Variants in ADGB observed in about 807,000 individuals in gnomAD.
The protein encoded by ADGB is calpain-7-like protein.
ADGB carries 172 observed loss-of-function variants against 210.5 expected under a neutral mutation model. The ratio of observed to expected loss-of-function variants is 0.82; its 90% CI spans 0.72 to 0.93. The LOEUF (loss-of-function observed/expected upper bound fraction) is 0.93. ADGB is among the 40% of genes least tolerant of loss of function. The probability of loss-of-function intolerance (pLI) is 0.00; values close to 1 mark genes in which losing one functional copy is unlikely to be tolerated. For synonymous variants in ADGB, 658 were observed against 662.7 expected, an observed-to-expected ratio of 0.99 and a Z score of 0.11; for missense variants, 2,025 against 1,964.8, an observed-to-expected ratio of 1.03 and a Z score of -0.58.
chr6:146,738,438 C>CTTTTTTTTTTTTTTTTTT (rs71031008), intron 23 of ADGB, among the ~76,000 whole-genome samples: 1 of 71,332 alleles, frequency 1.4e-5, no homozygotes, highest in African/African-American at 4.9e-5. Flanking sequence ...CCCATTTCAT[C>CTTTTTTTTTTTTTTTTTT]TTTTTTTTTT....
In ADGB at chr6:146,803,573, GT is replaced by G. The variant is rs1778163879; in HGVS notation, c.4818+1566del. On this transcript the variant is annotated intron_variant, in intron 35 of 35. Transcript: ENST00000397944. The stretch of plus-strand genomic sequence containing the variant: ...GTTCTATTTATGTAAGCAGCCAACT[GT>G]TTTGGAGACTTCTTAACCTCCTTCA... The G allele has an allele frequency of 6.8e-6, 10 of 1,478,166 alleles. No homozygotes were observed. In the Admixed American group the frequency reaches 1.1e-4, roughly 16 times the overall value. 91.6% of individuals were successfully genotyped at this position (1,478,166 alleles called of 1,614,324 possible). A position where few individuals can be genotyped will look rare whatever the true frequency, so the allele number is the denominator to read the frequency against.
Position 146,672,218 on chromosome 6 carries a change from A to G in ADGB, c.840-2A>G. The G allele has an allele frequency of 6.9e-7, 1 of 1,442,852 alleles. No individual in the cohort carries two copies. Among genetic ancestry groups the G allele is most frequent in the Non-Finnish European group, 9.2e-7 (1 of 1,092,210 alleles). 89.4% of individuals were successfully genotyped at this position (1,442,852 alleles called of 1,614,324 possible). On this transcript the variant is annotated splice_acceptor_variant, in intron 7 of 35. Transcript: ENST00000397944. LOFTEE classifies it high-confidence loss of function. ...AATTAATGTTTTTGTCTTTTCTCTT[A>G]GCCCGGGATATATGGACAAAGTTTG...
In ADGB at chr6:146,691,445, A is replaced by AT. The variant is rs1419237911; in HGVS notation, c.1486+155_1486+156insT. On this transcript the variant is annotated intron_variant, in intron 11 of 35. Coordinates refer to ENST00000397944, the MANE Select transcript of ADGB (RefSeq NM_024694.4). ...ATATATATATATATATATATATAAA[A>AT]ATATATATATATAAAAATATATATA... Among the ~76,000 whole-genome samples, 90 of 16,432 alleles carry AT rather than the reference A, an allele frequency of 5.5e-3. 3 individuals are homozygous for AT. Among genetic ancestry groups the AT allele is most frequent in the East Asian group, 0.024 (17 of 698 alleles). The allele number at this position is 16,432 out of a possible 152,430, so 10.8% of individuals were successfully genotyped here. A position where few individuals can be genotyped will look rare whatever the true frequency, so the allele number is the denominator to read the frequency against.
At chr6:146,766,904 C>T (rs1048784637) in intron 28 of ADGB, among the ~76,000 whole-genome samples, 1 of 152,104 alleles carries the variant, frequency 6.6e-6, no homozygotes, top group Non-Finnish European at 1.5e-5. Context: ...ATTCAGAAAT[C>T]TTTTACCATT....
intron 1 of ADGB, among the ~76,000 whole-genome samples, chr6:146,614,228 CCTTCCTT>C (rs1583559568): frequency 2.6e-5 from 3 of 116,318 alleles, no homozygotes; most frequent in East Asian, 6.2e-4. Flanking sequence ...TCCCTTCCTT[CCTTCCTT>C]CCTTCCTTCC....
intron 26 of ADGB, among the ~76,000 whole-genome samples, chr6:146,751,947 T>C (rs1458874916): frequency 6.6e-6 from 1 of 152,182 alleles, no homozygotes; most frequent in Non-Finnish European, 1.5e-5. Flanking sequence ...CCAAAGTCTC[T>C]AATAACTCCA....
intron 1 of ADGB, among the ~76,000 whole-genome samples, chr6:146,618,867 T>C (rs142483660): frequency 2.9e-3 from 437 of 152,188 alleles, no homozygotes; most frequent in African/African-American, 1.0e-2. Flanking sequence ...TTAGGGCTCT[T>C]TCATCTGGAG....
At chr6:146,599,186 C>G in intron 1 of ADGB, 72 bp downstream of exon 1, 1 of 1,371,908 alleles carries the variant, frequency 7.3e-7, no homozygotes, top group Non-Finnish European at 1.0e-6. Context: ...CTGGGGCTGC[C>G]TCCCTGCAGC....
At chr6:146,749,777 A>G (rs1001470279) in intron 26 of ADGB, among the ~76,000 whole-genome samples, 1 of 152,186 alleles carries the variant, frequency 6.6e-6, no homozygotes, top group Non-Finnish European at 1.5e-5. Context: ...CAATCATGGC[A>G]GAAGACGAAA....
intron 35 of ADGB, among the ~76,000 whole-genome samples, chr6:146,805,689 A>G (rs573799640): frequency 6.6e-6 from 1 of 152,108 alleles, no homozygotes; most frequent in Non-Finnish European, 1.5e-5. Context: ...TCTTCCTGGA[A>G]TATTCTTTCC....
At chr6:146,738,554 A>G (rs1333118183) in intron 23 of ADGB, among the ~76,000 whole-genome samples, 3 of 142,362 alleles carry the variant, frequency 2.1e-5, no homozygotes, top group East Asian at 2.1e-4. Context: ...GGTTCACGCC[A>G]TTCTCCTGCC....
chr6:146,722,788 TTC>T (rs1776840347), intron 17 of ADGB, among the ~76,000 whole-genome samples: 3 of 152,142 alleles, frequency 2.0e-5, no homozygotes, highest in Non-Finnish European at 4.4e-5. Context: ...GTACCTCCCT[TTC>T]CCACAATGAA....
At chr6:146,696,999 A>C (rs114189257) in intron 12 of ADGB, among the ~76,000 whole-genome samples, 1,688 of 152,316 alleles carry the variant, frequency 0.011, 7 homozygotes, top group African/African-American at 0.019. Flanking sequence ...CAGCTAATTA[A>C]ATTACAAGAT....
intron 8 of ADGB, among the ~76,000 whole-genome samples, chr6:146,674,499 C>T (rs1195385496): frequency 2.0e-5 from 3 of 152,068 alleles, no homozygotes. Context: ...CCTCCATTCT[C>T]ATAGGTGGGC....
intron 35 of ADGB, chr6:146,803,330 A>G: frequency 6.2e-7 from 1 of 1,608,480 alleles, no homozygotes; most frequent in Non-Finnish European, 8.5e-7. Context: ...AACCAGAATC[A>G]CTGGAGTTAA....
chr6:146,619,529 T>C (rs1780859109), intron 1 of ADGB, among the ~76,000 whole-genome samples: 1 of 152,092 alleles, frequency 6.6e-6, no homozygotes, highest in African/African-American at 2.4e-5. Context: ...TATTTATTTT[T>C]AGTGTATCTA....
intron 29 of ADGB, among the ~76,000 whole-genome samples, chr6:146,774,863 C>T (rs1777698771): frequency 6.6e-6 from 1 of 152,138 alleles, no homozygotes; most frequent in South Asian, 2.1e-4. Context: ...ACCTCCTCCT[C>T]CTGGGCTGAA....
At chr6:146,704,288 C>CAA (rs561627253) in intron 13 of ADGB, among the ~76,000 whole-genome samples, 28 of 139,932 alleles carry the variant, frequency 2.0e-4, no homozygotes, top group South Asian at 4.5e-4. Flanking sequence ...CTTTTCTGTG[C>CAA]AAAAAAAAAA....
chr6:146,813,266 C>T (rs1343440340), intron 35 of ADGB, among the ~76,000 whole-genome samples: 1 of 131,758 alleles, frequency 7.6e-6, no homozygotes, highest in Non-Finnish European at 1.7e-5. Flanking sequence ...TTGCTTACTT[C>T]TTCAGAGTGT....
Sources: allele counts gnomAD v4.1 joint callset (sites outside exome capture counted in the v4.1 genomes callset), GRCh38; gene constraint gnomAD v4.1.1; transcripts MANE v1.5; gene names NCBI Gene and HGNC (gene_info 2026-07-23, HGNC 2026-07-21).